Variants in CCDC192 observed in about 807,000 individuals in gnomAD.
CCDC192 encodes coiled-coil domain-containing protein 192.
At chr5:127,855,920 A>C (rs1288343575) in intron 5 of CCDC192, among the ~76,000 whole-genome samples, 1 of 152,256 alleles carries the variant, frequency 6.6e-6, no homozygotes, top group Admixed American at 6.5e-5. Context: ...CGTTCCATTT[A>C]TAGAGCACAG....
intron 2 of CCDC192, among the ~76,000 whole-genome samples, chr5:127,741,864 A>G (rs1753438948): frequency 6.6e-6 from 1 of 152,204 alleles, no homozygotes; most frequent in Non-Finnish European, 1.5e-5. Flanking sequence ...ACTGCCTCTT[A>G]CCACCTTCTA....
intron 6 of CCDC192, among the ~76,000 whole-genome samples, chr5:127,924,848 G>A (rs1309561627): frequency 6.6e-6 from 1 of 152,172 alleles, no homozygotes; most frequent in African/African-American, 2.4e-5. Flanking sequence ...ATGACATGGA[G>A]TAGGTGCTCT....
intron 2 of CCDC192, among the ~76,000 whole-genome samples, chr5:127,716,745 C>T (rs750040938): frequency 1.5e-4 from 23 of 152,174 alleles, no homozygotes; most frequent in Non-Finnish European, 2.5e-4. Flanking sequence ...TAGGATTAAC[C>T]TTCATTCAAT....
intron 2 of CCDC192, among the ~76,000 whole-genome samples, chr5:127,709,630 T>A (rs1751206268): frequency 6.6e-6 from 1 of 152,172 alleles, no homozygotes; most frequent in South Asian, 2.1e-4. Context: ...GAAAGAGTGT[T>A]TCTCTTGAAG....
At chr5:127,911,921 C>T (rs1282179973) in intron 6 of CCDC192, among the ~76,000 whole-genome samples, 2 of 151,598 alleles carry the variant, frequency 1.3e-5, no homozygotes, top group Admixed American at 6.6e-5. Context: ...TCTCCCACCT[C>T]TCACCAAATT....
chr5:127,705,113 C>T (rs989787967), intron 1 of CCDC192, among the ~76,000 whole-genome samples: 9 of 152,066 alleles, frequency 5.9e-5, no homozygotes, highest in Non-Finnish European at 1.3e-4. Context: ...GCAATAAAAA[C>T]AAACTTTATA....
chr5:127,719,534 C>CATATATATAT lies in CCDC192; in HGVS notation c.114+11790_114+11799dup, dbSNP rs1158638020. 9.5e-5 allele frequency among the ~76,000 whole-genome samples: 4 copies of CATATATATAT among 42,270 alleles called. 1 individual carries two copies. The highest frequency in any genetic ancestry group is 3.3e-4 in the African/African-American group (4 of 12,082). 27.7% of individuals were successfully genotyped at this position (42,270 alleles called of 152,430 possible). ...ATATATATATATATATACACACATACATATATATATATATATATATATATA... is the reference window on the plus strand; with the variant it reads ...ATATATATATATATATACACACATACATATATATATATATATATATATATATATATATATA... On this transcript the variant is annotated intron_variant, in intron 2 of 6. Transcript: ENST00000514853.
chr5:127,884,280 T>C (rs1327859766), intron 6 of CCDC192, among the ~76,000 whole-genome samples: 1 of 141,174 alleles, frequency 7.1e-6, no homozygotes, highest in African/African-American at 2.7e-5. Flanking sequence ...GAGGCGGAGC[T>C]TGCAGTGAGG....
chr5:127,890,090 T>C (rs914309759), intron 6 of CCDC192, among the ~76,000 whole-genome samples: 17 of 152,108 alleles, frequency 1.1e-4, no homozygotes, highest in African/African-American at 4.1e-4. Flanking sequence ...CGAAGATCTC[T>C]TGTCCATGTA....
intron 2 of CCDC192, among the ~76,000 whole-genome samples, chr5:127,734,050 A>G (rs909887599): frequency 1.8e-4 from 27 of 148,612 alleles, no homozygotes; most frequent in African/African-American, 6.4e-4. Context: ...AGCATTAGGT[A>G]TATCTCCCGA....
At chr5:127,728,753 G>C (rs535556256) in intron 2 of CCDC192, among the ~76,000 whole-genome samples, 2 of 152,244 alleles carry the variant, frequency 1.3e-5, no homozygotes, top group African/African-American at 4.8e-5. Context: ...CAGAATGGCA[G>C]GCTGAATAAA....
intron 5 of CCDC192, among the ~76,000 whole-genome samples, chr5:127,857,090 C>T (rs186822584): frequency 1.6e-4 from 24 of 152,248 alleles, no homozygotes; most frequent in Non-Finnish European, 1.2e-4. Context: ...CAAAATATGC[C>T]TGCATTCTCA....
In CCDC192 at chr5:127,835,575, A is replaced by G. The variant is rs182912124; in HGVS notation, c.411+37413A>G. On this transcript the variant is annotated intron_variant, in intron 5 of 6. Transcript: ENST00000514853. ...GTAAAGACATACTCATCACTGGGTA[A>G]TTTATAAAGGAAAGAGGTTTAATTG... Among the ~76,000 whole-genome samples the G allele has an allele frequency of 6.6e-5, 10 of 152,284 alleles. No homozygotes were observed. In the East Asian group the frequency reaches 1.9e-3, roughly 29 times the overall value.
chr5:127,744,948 T>C (rs1407032599), intron 2 of CCDC192, among the ~76,000 whole-genome samples: 1 of 152,210 alleles, frequency 6.6e-6, no homozygotes, highest in Admixed American at 6.5e-5. Flanking sequence ...CAAGCAGAGC[T>C]TCTCTGTGGC....
At chr5:127,738,703 T>G (rs1262751423) in intron 2 of CCDC192, among the ~76,000 whole-genome samples, 1 of 152,182 alleles carries the variant, frequency 6.6e-6, no homozygotes, top group Non-Finnish European at 1.5e-5. Context: ...GCTGATACCC[T>G]TTCTTTCAGT....
intron 5 of CCDC192, among the ~76,000 whole-genome samples, chr5:127,807,362 G>A (rs1757847303): frequency 1.3e-5 from 2 of 152,050 alleles, no homozygotes; most frequent in Non-Finnish European, 2.9e-5. Context: ...GTCATGTCCT[G>A]TCAGGTCAGT....
At chr5:127,718,744 A>G (rs543923244) in intron 2 of CCDC192, among the ~76,000 whole-genome samples, 2 of 152,172 alleles carry the variant, frequency 1.3e-5, no homozygotes, top group South Asian at 4.1e-4. Flanking sequence ...TGTTAAAAAT[A>G]TTTAAAAATT....
At position 127,791,037 on chromosome 5, in the gene CCDC192, G is replaced by A. The variant is rs184603016; in HGVS notation, c.223-6066G>A. Among the ~76,000 whole-genome samples the A allele has an allele frequency of 1.8e-3, 281 of 152,268 alleles. 1 individual carries two copies. The highest frequency in any genetic ancestry group is 6.5e-3 in the African/African-American group (269 of 41,556). On this transcript the variant is annotated intron_variant, in intron 3 of 6. Transcript: ENST00000514853. ...TGCTGAAATATATAGTTTACATGATGTTGGAAAGCTGATATTCTACATATG... is the reference window on the plus strand; with the variant it reads ...TGCTGAAATATATAGTTTACATGATATTGGAAAGCTGATATTCTACATATG...
At chr5:127,779,007 T>G (rs1756032178) in intron 3 of CCDC192, among the ~76,000 whole-genome samples, 5 of 152,156 alleles carry the variant, frequency 3.3e-5, no homozygotes, top group Admixed American at 3.3e-4. Context: ...CTTATGTCTG[T>G]TTTTCTTAGC....
Sources: allele counts gnomAD v4.1 joint callset (sites outside exome capture counted in the v4.1 genomes callset), GRCh38; gene constraint gnomAD v4.1.1; transcripts MANE v1.5; gene names NCBI Gene and HGNC (gene_info 2026-07-23, HGNC 2026-07-21).